TMED3: variants seen among roughly 807,000 people sequenced by gnomAD.
TMED3 encodes the protein transmembrane p24 trafficking protein 3.
In TMED3, 9 loss-of-function variants were observed where a neutral mutation model predicts 15.0. The observed-to-expected ratio is 0.60, with a 90% confidence interval of 0.36 to 1.04. The LOEUF (loss-of-function observed/expected upper bound fraction) is 1.04, where lower values mean the gene tolerates loss of function less well. Among genes scored for constraint, TMED3 ranks in the 50% least tolerant of loss-of-function variants. The probability of loss-of-function intolerance (pLI) is 0.01; values close to 1 mark genes in which losing one functional copy is unlikely to be tolerated. For synonymous variants in TMED3, 117 were observed against 121.4 expected, an observed-to-expected ratio of 0.96 and a Z score of 0.24; for missense variants, 267 against 278.9, an observed-to-expected ratio of 0.96 and a Z score of 0.30.
intron 2 of TMED3, among the ~76,000 whole-genome samples, chr15:79,359,018 A>T (rs929917849): frequency 3.9e-5 from 6 of 152,258 alleles, no homozygotes; most frequent in Non-Finnish European, 5.9e-5. Flanking sequence ...AACAAGAGAG[A>T]GTGCAGCAGC....
intron 2 of TMED3, among the ~76,000 whole-genome samples, chr15:79,407,036 C>A (rs1411388114): frequency 1.3e-5 from 2 of 152,212 alleles, no homozygotes; most frequent in African/African-American, 4.8e-5. Flanking sequence ...AAAGAAGCCT[C>A]TTTCACGTGT....
At chr15:79,331,087 G>A (rs2058806466) in intron 2 of TMED3, among the ~76,000 whole-genome samples, 1 of 152,146 alleles carries the variant, frequency 6.6e-6, no homozygotes, top group South Asian at 2.1e-4. Flanking sequence ...GAGACCAAGA[G>A]GGGAGGTGCC....
chr15:79,318,403 G>A (rs2058750198), intron 2 of TMED3, among the ~76,000 whole-genome samples: 1 of 152,154 alleles, frequency 6.6e-6, no homozygotes, highest in South Asian at 2.1e-4. Flanking sequence ...TTGAATGAAG[G>A]AATTAGTGGA....
chr15:79,361,271 C>T (rs758666693), intron 2 of TMED3, among the ~76,000 whole-genome samples: 13 of 152,088 alleles, frequency 8.5e-5, no homozygotes, highest in African/African-American at 9.7e-5. Context: ...TAAGTTTCTT[C>T]GTTTGTAAAA....
At chr15:79,343,312 GGTGCCT>G (rs2058858068) in intron 2 of TMED3, among the ~76,000 whole-genome samples, 1 of 152,054 alleles carries the variant, frequency 6.6e-6, no homozygotes, top group Non-Finnish European at 1.5e-5. Context: ...TACCACCCTT[GGTGCCT>G]GTTAACAACT....
intron 2 of TMED3, among the ~76,000 whole-genome samples, chr15:79,354,711 C>T (rs1184919756): frequency 6.6e-6 from 1 of 152,138 alleles, no homozygotes; most frequent in African/African-American, 2.4e-5. Context: ...CATCTTACCC[C>T]TCCCATCACA....
chr15:79,321,359 T>G (rs2141217613), intron 2 of TMED3, among the ~76,000 whole-genome samples: 1 of 152,384 alleles, frequency 6.6e-6, no homozygotes, highest in Non-Finnish European at 1.5e-5. Flanking sequence ...TAGTATGTGT[T>G]ACACATGAGC....
chr15:79,337,442 A>T (rs2058831242), intron 2 of TMED3, among the ~76,000 whole-genome samples: 1 of 152,206 alleles, frequency 6.6e-6, no homozygotes, highest in Non-Finnish European at 1.5e-5. Flanking sequence ...TTGGGGGAAA[A>T]ACAAAAAACA....
intron 2 of TMED3, among the ~76,000 whole-genome samples, chr15:79,369,666 C>T (rs1378333149): frequency 2.0e-5 from 3 of 152,328 alleles, no homozygotes; most frequent in East Asian, 1.9e-4. Flanking sequence ...GCTCATGTTT[C>T]GTCTGTGTTC....
At chr15:79,358,260 G>A (rs1893051008) in intron 2 of TMED3, among the ~76,000 whole-genome samples, 1 of 152,226 alleles carries the variant, frequency 6.6e-6, no homozygotes, top group African/African-American at 2.4e-5. Context: ...GAACAGCCAG[G>A]AGAAGCAGAC....
chr15:79,332,722 T>C (rs1002522861), intron 2 of TMED3, among the ~76,000 whole-genome samples: 2 of 152,174 alleles, frequency 1.3e-5, no homozygotes, highest in African/African-American at 2.4e-5. Context: ...ACCTACCTGG[T>C]TGTGATTTCC....
intron 2 of TMED3, among the ~76,000 whole-genome samples, chr15:79,385,636 C>T (rs1366059744): frequency 6.6e-6 from 1 of 152,154 alleles, no homozygotes; most frequent in African/African-American, 2.4e-5. Flanking sequence ...CAGCTGCACC[C>T]AAGAGGGCAG....
chr15:79,369,949 G>A (rs1893305293), intron 2 of TMED3, among the ~76,000 whole-genome samples: 1 of 152,174 alleles, frequency 6.6e-6, no homozygotes, highest in South Asian at 2.1e-4. Context: ...GCTCAAGCAG[G>A]GCAGAAGTTG....
intron 2 of TMED3, among the ~76,000 whole-genome samples, chr15:79,399,479 A>G (rs370881848): frequency 6.6e-6 from 1 of 152,182 alleles, no homozygotes; most frequent in Admixed American, 6.5e-5. Context: ...ATGGAGACAC[A>G]TAATGTGTCC....
At position 79,311,406 on chromosome 15, in the gene TMED3, C is replaced by T. The variant is rs551171265; in HGVS notation, c.157C>T (p.Leu53=). ...GGTGGAGCAGGGCGTGAAGTTCTCC[C>T]TGGATTACCAGGTGAGGCCGGGCGC... is the stretch of plus-strand genomic sequence containing the variant. The part of the protein sequence containing the change: ...EEVEQGVKFS[L]DYQVITGGHY... The change falls in exon 1 of 3, where the codon CTG becomes TTG. Residue 53 remains leucine, a synonymous_variant. Transcript: ENST00000299705. 14 of 1,609,892 alleles carry T rather than the reference C, an allele frequency of 8.7e-6. No homozygotes were observed. In the East Asian group the frequency reaches 1.1e-4, roughly 13 times the overall value.
intron 2 of TMED3, among the ~76,000 whole-genome samples, chr15:79,365,482 G>C (rs1252755230): frequency 6.6e-6 from 1 of 152,226 alleles, no homozygotes; most frequent in African/African-American, 2.4e-5. Flanking sequence ...AGACAAGTCT[G>C]TGCCTTTCTC....
chr15:79,400,186 C>T (rs1048676644), intron 2 of TMED3, among the ~76,000 whole-genome samples: 1 of 152,202 alleles, frequency 6.6e-6, no homozygotes, highest in Non-Finnish European at 1.5e-5. Context: ...TGCTGTCACT[C>T]CTCACAGCAC....
chr15:79,339,835 TGATGATGGTGGTGATTAG>T (rs1201632822), intron 2 of TMED3, among the ~76,000 whole-genome samples: 4 of 151,396 alleles, frequency 2.6e-5, no homozygotes, highest in Admixed American at 6.6e-5. Flanking sequence ...GTGATGGTGG[TGATGATGGTGGTGATTAG>T]GATGATGGTG....
chr15:79,410,731 C>T (rs1322145492), intron 2 of TMED3, among the ~76,000 whole-genome samples: 1 of 150,540 alleles, frequency 6.6e-6, no homozygotes, highest in Non-Finnish European at 1.5e-5. Context: ...CTCGTAGATG[C>T]ATGTATATGA....
Sources: gnomAD v4.1 joint callset for allele counts (sites outside exome capture counted in the v4.1 genomes callset) on GRCh38, gnomAD v4.1.1 for gene constraint, MANE v1.5 for transcripts, NCBI Gene and HGNC (gene_info 2026-07-23, HGNC 2026-07-21) for gene names.